EDIL3: variants seen among roughly 807,000 people sequenced by gnomAD.
EDIL3 encodes EGF like and discoidin domains 3, also known as EGF-like repeat and discoidin I-like domain-containing protein 3.
In EDIL3, 37 loss-of-function variants were observed where a neutral mutation model predicts 67.4. The ratio of observed to expected loss-of-function variants is 0.55; its 90% confidence interval spans 0.42 to 0.72. EDIL3 has a LOEUF of 0.72. Among genes scored for constraint, EDIL3 ranks in the 30% least tolerant of loss-of-function variants. The pLI is 0.00. For missense variants in EDIL3, 527 were observed against 586.3 expected, an observed-to-expected ratio of 0.90 and a Z score of 1.04; for synonymous variants, 195 against 196.3, an observed-to-expected ratio of 0.99 and a Z score of 0.05.
chr5:84,164,191 T>C (rs1290462547), intron 4 of EDIL3, among the ~76,000 whole-genome samples: 1 of 152,008 alleles, frequency 6.6e-6, no homozygotes, highest in Non-Finnish European at 1.5e-5. Context: ...GAGACGTAGA[T>C]ATAAAAATAA....
chr5:84,305,574 G>A (rs944703310), intron 1 of EDIL3, among the ~76,000 whole-genome samples: 7 of 152,194 alleles, frequency 4.6e-5, no homozygotes, highest in Admixed American at 6.6e-5. Flanking sequence ...CTGCTTATCA[G>A]TTAAAAATTA....
Position 84,006,713 on chromosome 5 carries a change from C to T in EDIL3, c.1138-43353G>A, listed in dbSNP as rs550058183. ...TGGAACAAACCTAAACAGGTAACACCTGAACCTAAAATAAAAGTTAAAAGG... is the reference window on the plus strand; with the variant it reads ...TGGAACAAACCTAAACAGGTAACACTTGAACCTAAAATAAAAGTTAAAAGG... On this transcript the variant is annotated intron_variant, in intron 9 of 10. Transcript: ENST00000296591. Among the ~76,000 whole-genome samples, 4 of 152,212 alleles carry T rather than the reference C, an allele frequency of 2.6e-5. No individual in the cohort carries two copies. The South Asian group carries it at 6.2e-4, about 24-fold the overall frequency.
intron 1 of EDIL3, among the ~76,000 whole-genome samples, chr5:84,368,150 C>T (rs575865982): frequency 6.6e-6 from 1 of 151,924 alleles, no homozygotes; most frequent in South Asian, 2.1e-4. Context: ...AAAGACCATC[C>T]TAAGACCATA....
Position 84,046,717 on chromosome 5 carries a change from C to T in EDIL3, c.1137+13583G>A, listed in dbSNP as rs10055940. ...CATATTTTTAGAAGAGAATGGTTAC[C>T]ATTCTTACAGCTATGCTTTGTTGCT... On this transcript the variant is annotated intron_variant, in intron 9 of 10. Coordinates refer to ENST00000296591, the MANE Select transcript of EDIL3 (RefSeq NM_005711.5). 8.4e-3 allele frequency among the ~76,000 whole-genome samples: 1,285 copies of T among 152,184 alleles called. 20 individuals carry two copies. Among genetic ancestry groups the T allele is most frequent in the African/African-American group, 0.029 (1,211 of 41,516 alleles).
intron 2 of EDIL3, among the ~76,000 whole-genome samples, chr5:84,251,979 T>A (rs888081261): frequency 6.6e-6 from 1 of 152,142 alleles, no homozygotes; most frequent in Non-Finnish European, 1.5e-5. Flanking sequence ...CTATCCAATT[T>A]CTGAATATCA....
intron 9 of EDIL3, among the ~76,000 whole-genome samples, chr5:84,045,360 A>T (rs1746203278): frequency 6.6e-6 from 1 of 152,164 alleles, no homozygotes; most frequent in Admixed American, 6.5e-5. Flanking sequence ...GAGCAGTAAG[A>T]CACATATCAG....
chr5:83,999,569 A>G (rs537182868), intron 9 of EDIL3, among the ~76,000 whole-genome samples: 13 of 152,254 alleles, frequency 8.5e-5, no homozygotes, highest in Admixed American at 7.8e-4. Flanking sequence ...GAACTTGAAG[A>G]CAGGCTTTAT....
chr5:84,012,081 T>C (rs915290461), intron 9 of EDIL3, among the ~76,000 whole-genome samples: 4 of 152,190 alleles, frequency 2.6e-5, no homozygotes, highest in Non-Finnish European at 4.4e-5. Flanking sequence ...TAAATGTTTG[T>C]TGAATAAACT....
At chr5:84,194,558 T>A (rs1743660510) in intron 3 of EDIL3, among the ~76,000 whole-genome samples, 1 of 151,968 alleles carries the variant, frequency 6.6e-6, no homozygotes, top group African/African-American at 2.4e-5. Context: ...AAAATCCACT[T>A]GAGAAATGTG....
chr5:84,199,220 T>A lies in EDIL3; in HGVS notation c.227-18699A>T, dbSNP rs375858662. 1.6e-4 allele frequency among the ~76,000 whole-genome samples: 25 copies of A among 152,158 alleles called. No individual in the cohort carries two copies. In the East Asian group the frequency reaches 4.1e-3, roughly 25 times the overall value. On this transcript the variant is annotated intron_variant, in intron 3 of 10. Coordinates refer to ENST00000296591, the MANE Select transcript of EDIL3 (RefSeq NM_005711.5). ...CTTAGTTTGTTGACTTTCATTTGTT[T>A]TTGCCTTTGTCCTATTTTCCTTTAC... is the stretch of plus-strand genomic sequence containing the variant.
At chr5:84,057,459 C>T (rs533592907) in intron 9 of EDIL3, among the ~76,000 whole-genome samples, 211 of 152,098 alleles carry the variant, frequency 1.4e-3, no homozygotes, top group African/African-American at 4.1e-3. Context: ...ATTAGCGATA[C>T]GCAGCCAATC....
intron 6 of EDIL3, among the ~76,000 whole-genome samples, chr5:84,088,869 C>T (rs1747116943): frequency 6.6e-6 from 1 of 151,820 alleles, no homozygotes; most frequent in South Asian, 2.1e-4. Context: ...GCAGTGGTAG[C>T]AAAAACATCA....
chr5:84,116,207 A>AAAC (rs1747661696), intron 5 of EDIL3, among the ~76,000 whole-genome samples: 1 of 151,482 alleles, frequency 6.6e-6, no homozygotes, highest in Non-Finnish European at 1.5e-5. Context: ...AAAAAAAAAA[A>AAAC]AACCCCAAGA....
rs1745082189 is a variant in EDIL3 at position 84,254,100 on chromosome 5, A to G, written c.180T>C (p.Ser60=). Reference sequence around the variant, plus strand: ...TGCACTTACCAACCTCCACAACACTAGAACAGTTGGGGTCTGTGAAGCCAT... The same window carrying G: ...TGCACTTACCAACCTCCACAACACTGGAACAGTTGGGGTCTGTGAAGCCAT... ...CPDGFTDPNC[S]SVVEVASDEE... The change falls in exon 2 of 11, where the codon TCT becomes TCC. Residue 60 remains serine (S), a synonymous_variant. Transcript: ENST00000296591. 1 of 1,607,858 alleles carries G rather than the reference A, an allele frequency of 6.2e-7. No individual in the cohort carries two copies. The highest frequency in any genetic ancestry group is 8.5e-7 in the Non-Finnish European group (1 of 1,177,374).
intron 1 of EDIL3, among the ~76,000 whole-genome samples, chr5:84,342,829 T>C (rs1227088712): frequency 6.6e-6 from 1 of 152,096 alleles, no homozygotes; most frequent in Non-Finnish European, 1.5e-5. Flanking sequence ...TTTGATGGAT[T>C]ATCCTTCATG....
intron 3 of EDIL3, among the ~76,000 whole-genome samples, chr5:84,215,293 G>A (rs1016327755): frequency 4.6e-5 from 7 of 151,028 alleles, no homozygotes; most frequent in Non-Finnish European, 7.4e-5. Context: ...TTGCTCTGTC[G>A]CCCAGGCTGG....
At position 84,146,456 on chromosome 5, in the gene EDIL3, TAAG is replaced by T. The variant is rs535417071; in HGVS notation, c.356-9105_356-9103del. 1.9e-3 allele frequency among the ~76,000 whole-genome samples: 294 copies of T among 152,272 alleles called. 4 individuals carry two copies. The highest frequency in any genetic ancestry group is 0.014 in the Admixed American group (217 of 15,258). On this transcript the variant is annotated intron_variant, in intron 4 of 10. Transcript: ENST00000296591. ...GCCTTCAAGGTATTATTTTATGTGC[TAAG>T]AAGGACAGATATAGGATAACACATA...
chr5:84,289,492 A>G (rs965032825), intron 1 of EDIL3, among the ~76,000 whole-genome samples: 2 of 152,138 alleles, frequency 1.3e-5, no homozygotes, highest in East Asian at 1.9e-4. Flanking sequence ...TAAATGCTCA[A>G]ATCATCACAA....
intron 9 of EDIL3, among the ~76,000 whole-genome samples, chr5:83,991,553 C>T (rs1027362804): frequency 6.6e-6 from 1 of 152,138 alleles, no homozygotes; most frequent in Non-Finnish European, 1.5e-5. Context: ...CAACACTGTA[C>T]CCACAATCTT....
Sources: gnomAD v4.1 joint callset for allele counts (sites outside exome capture counted in the v4.1 genomes callset) on GRCh38, gnomAD v4.1.1 for gene constraint, MANE v1.5 for transcripts, NCBI Gene and HGNC (gene_info 2026-07-23, HGNC 2026-07-21) for gene names.